Variants in ZNF654 observed in about 807,000 individuals in gnomAD.
The protein encoded by ZNF654 is melanoma-associated antigen.
Under a neutral mutation model 95.3 loss-of-function variants are expected in ZNF654, and 19 were observed. That is an observed-to-expected ratio of 0.20 (90% CI 0.14 to 0.29). ZNF654 has a LOEUF of 0.29. Among genes scored for constraint, ZNF654 ranks in the 10% least tolerant of loss-of-function variants. The pLI is 1.00. For missense variants in ZNF654, 1,046 were observed against 1,341.0 expected, an observed-to-expected ratio of 0.78 and a Z score of 3.44; for synonymous variants, 413 against 457.9, an observed-to-expected ratio of 0.90 and a Z score of 1.25.
chr3:88,108,401 G>A (rs1460633473), intron 2 of ZNF654, among the ~76,000 whole-genome samples: 3 of 152,126 alleles, frequency 2.0e-5, no homozygotes, highest in African/African-American at 7.2e-5. Context: ...GGAAAATACA[G>A]TGTACAGTTT....
Position 88,139,203 on chromosome 3 carries a change from C to G in ZNF654, c.1534C>G (p.Pro512Ala), listed in dbSNP as rs1453217139. 8 of 1,457,848 alleles carry G rather than the reference C, an allele frequency of 5.5e-6. No homozygotes were observed. The highest frequency in any genetic ancestry group is 7.2e-6 in the Non-Finnish European group (8 of 1,106,798). The allele number at this position is 1,457,848 out of a possible 1,614,324, so 90.3% of individuals were successfully genotyped here. The change falls in exon 8 of 9, where the codon CCT (proline) becomes GCT (alanine). Residue 512 changes from proline (P) to alanine (A), a missense_variant. Physicochemically the swap from Pro to Ala is conservative, Grantham distance 27. Around this residue, in one of 9 missense-constraint regions of ZNF654, gnomAD observed 100 missense variants for 108.9 expected, o/e 0.92. Transcript: ENST00000636215. ...LTDQSTGETD[P>A]DDVSGVQPKG... ...AGATCAGAGCACTGGAGAGACTGAT[C>G]CTGATGATGTATCTGGAGTGCAGCC...
chr3:88,059,600 G>A, intron 1 of ZNF654, 95 bp downstream of exon 1: 1 of 1,411,172 alleles, frequency 7.1e-7, no homozygotes. Flanking sequence ...TCTATGTCCA[G>A]TGCCCGCTCC....
chr3:88,132,058 T>G (rs1706497589), intron 6 of ZNF654, among the ~76,000 whole-genome samples: 1 of 152,194 alleles, frequency 6.6e-6, no homozygotes, highest in South Asian at 2.1e-4. Context: ...CTATATTCTT[T>G]GCTTTATATA....
intron 2 of ZNF654, among the ~76,000 whole-genome samples, chr3:88,112,056 A>G (rs1407430335): frequency 1.3e-5 from 2 of 151,986 alleles, no homozygotes; most frequent in Non-Finnish European, 1.5e-5. Flanking sequence ...AATATTTTTC[A>G]GTGTATCAGT....
In ZNF654 at chr3:88,139,186, G is replaced by A; in HGVS notation, c.1517G>A (p.Ser506Asn). 1 of 1,443,202 alleles carries A rather than the reference G, an allele frequency of 6.9e-7. No homozygotes were observed. Among genetic ancestry groups the A allele is most frequent in the Non-Finnish European group, 9.1e-7 (1 of 1,099,582 alleles). The allele number at this position is 1,443,202 out of a possible 1,614,324, so 89.4% of individuals were successfully genotyped here. Reference sequence around the variant, plus strand: ...GGGTTTGACTCTCTTACAGATCAGAGCACTGGAGAGACTGATCCTGATGAT... The same window carrying A: ...GGGTTTGACTCTCTTACAGATCAGAACACTGGAGAGACTGATCCTGATGAT... ...DEGFDSLTDQ[S>N]TGETDPDDVS... Residue 506 changes from serine (S) to asparagine (N), a missense_variant, in exon 8 of 9, where the codon AGC becomes AAC. Physicochemically the swap from Ser to Asn is conservative, Grantham distance 46. Coordinates refer to ENST00000636215, the MANE Select transcript of ZNF654 (RefSeq NM_001350134.2).
At chr3:88,094,099 A>G (rs1417031735) in intron 2 of ZNF654, among the ~76,000 whole-genome samples, 1 of 99,712 alleles carries the variant, frequency 1.0e-5, no homozygotes, top group Non-Finnish European at 2.2e-5. Context: ...GGAAGAGATA[A>G]TATTCTTTTT....
Position 88,097,012 on chromosome 3 carries a change from C to T in ZNF654, c.332+10610C>T, listed in dbSNP as rs1336165550. On this transcript the variant is annotated intron_variant, in intron 2 of 8. Transcript: ENST00000636215. ...AGCATAGAAAGAACACTGGTCATCACATTGGCTGTAGAGTATTTCACTCTT... is the reference window on the plus strand; with the variant it reads ...AGCATAGAAAGAACACTGGTCATCATATTGGCTGTAGAGTATTTCACTCTT... 2.0e-5 allele frequency among the ~76,000 whole-genome samples: 3 copies of T among 152,260 alleles called. No individual in the cohort carries two copies. The East Asian group carries it at 5.8e-4, about 29-fold the overall frequency.
chr3:88,061,077 T>C lies in ZNF654; in HGVS notation c.186+1572T>C, dbSNP rs141218303. Among the ~76,000 whole-genome samples the C allele has an allele frequency of 1.2e-3, 183 of 152,276 alleles. 1 individual carries two copies. Among genetic ancestry groups the C allele is most frequent in the Non-Finnish European group, 2.0e-3 (135 of 67,986 alleles). On this transcript the variant is annotated intron_variant, in intron 1 of 8. Transcript: ENST00000636215. ...GCATTCACTGAATTTAGAGGTTCAG[T>C]GTCTTGTTTTCAGAGCACTTGTTTT...
chr3:88,110,749 A>G (rs575416334), intron 2 of ZNF654, among the ~76,000 whole-genome samples: 6 of 152,284 alleles, frequency 3.9e-5, no homozygotes, highest in Non-Finnish European at 5.9e-5. Context: ...TCAATAGGAA[A>G]TACAACAGGT....
chr3:88,127,782 A>T (rs1029005031), intron 4 of ZNF654, among the ~76,000 whole-genome samples: 1 of 152,202 alleles, frequency 6.6e-6, no homozygotes, highest in Non-Finnish European at 1.5e-5. Context: ...CTATACTAGC[A>T]TACCTCACAC....
At chr3:88,062,208 T>G (rs77374603) in intron 1 of ZNF654, among the ~76,000 whole-genome samples, 306 of 152,300 alleles carry the variant, frequency 2.0e-3, no homozygotes, top group African/African-American at 6.9e-3. Flanking sequence ...GGAAAGTAAC[T>G]TTTATGGAAG....
chr3:88,087,562 T>TG (rs905576582), intron 2 of ZNF654, among the ~76,000 whole-genome samples: 5 of 152,182 alleles, frequency 3.3e-5, no homozygotes, highest in Non-Finnish European at 7.4e-5. Flanking sequence ...TACAGTTTTC[T>TG]GGGGGACAGA....
chr3:88,074,077 A>T (rs1707664116), intron 1 of ZNF654, among the ~76,000 whole-genome samples: 1 of 152,188 alleles, frequency 6.6e-6, no homozygotes, highest in South Asian at 2.1e-4. Flanking sequence ...CAAAAATAAG[A>T]ATCTACCAGA....
intron 6 of ZNF654, among the ~76,000 whole-genome samples, chr3:88,134,222 T>C (rs1457060292): frequency 2.6e-5 from 4 of 152,122 alleles, no homozygotes; most frequent in Non-Finnish European, 5.9e-5. Flanking sequence ...TGTTTTTGTC[T>C]GAGTACACTA....
At chr3:88,086,047 A>C (rs1463943651) in intron 1 of ZNF654, among the ~76,000 whole-genome samples, 2 of 152,322 alleles carry the variant, frequency 1.3e-5, no homozygotes, top group Admixed American at 1.3e-4. Flanking sequence ...ACATTCATAC[A>C]CTATATTTTC....
At chr3:88,074,590 C>T (rs1707697574) in intron 1 of ZNF654, among the ~76,000 whole-genome samples, 1 of 152,122 alleles carries the variant, frequency 6.6e-6, no homozygotes, top group Non-Finnish European at 1.5e-5. Flanking sequence ...GATCCGCCTG[C>T]CTCGGCCTTC....
In ZNF654 at chr3:88,086,409, A is replaced by G; in HGVS notation, c.332+7A>G. On this transcript the variant is annotated splice_region_variant and intron_variant, in intron 2 of 8. Transcript: ENST00000636215. ...TTTTGAGTAGCCTTGCTGTGTAAGT[A>G]CTTTTTACTTCTTATAAATGCATTA... 6.7e-7 allele frequency: 1 copy of G among 1,495,464 alleles called. No individual in the cohort carries two copies. The highest frequency in any genetic ancestry group is 2.5e-5 in the East Asian group (1 of 40,402). 92.6% of individuals were successfully genotyped at this position (1,495,464 alleles called of 1,614,324 possible).
chr3:88,133,459 G>T lies in ZNF654; in HGVS notation c.894-1602G>T, dbSNP rs142284859. Among the ~76,000 whole-genome samples, 46 of 152,320 alleles carry T rather than the reference G, an allele frequency of 3.0e-4. No individual in the cohort carries two copies. The East Asian group carries it at 8.7e-3, about 29-fold the overall frequency. ...GAAGCATATGATAGGCATGAAATCA[G>T]TAAGAGGGATCTTTTCTGAAGTGTA... On this transcript the variant is annotated intron_variant, in intron 6 of 8. Transcript: ENST00000636215.
chr3:88,113,060 T>C (rs546779412), intron 2 of ZNF654, 55 bp from the exon 3 acceptor site: 1 of 1,243,930 alleles, frequency 8.0e-7, no homozygotes, highest in Non-Finnish European at 1.1e-6. Flanking sequence ...TGATAATCTT[T>C]TAATTGGAGC....
Sources: allele counts gnomAD v4.1 joint callset (sites outside exome capture counted in the v4.1 genomes callset), GRCh38; gene constraint gnomAD v4.1.1; regional missense constraint gnomAD v4.1.1; transcripts MANE v1.5; gene names NCBI Gene and HGNC (gene_info 2026-07-23, HGNC 2026-07-21).